Variants in TRHDE observed in about 807,000 individuals in gnomAD.
The protein encoded by TRHDE is thyrotropin releasing hormone degrading enzyme.
TRHDE carries 72 observed loss-of-function variants against 125.7 expected under a neutral mutation model. The ratio of observed to expected loss-of-function variants is 0.57; its 90% CI spans 0.47 to 0.70. The LOEUF (loss-of-function observed/expected upper bound fraction) is 0.70, where lower values mean the gene tolerates loss of function less well. TRHDE is among the 30% of genes least tolerant of loss of function. The probability of loss-of-function intolerance (pLI) is 0.00; values close to 1 mark genes in which losing one functional copy is unlikely to be tolerated. For missense variants in TRHDE, 1,110 were observed against 1,327.1 expected, an observed-to-expected ratio of 0.84 and a Z score of 2.54; for synonymous variants, 509 against 509.1, an observed-to-expected ratio of 1.00 and a Z score of 0.00.
intron 3 of TRHDE, among the ~76,000 whole-genome samples, chr12:72,381,581 A>G (rs1872183159): frequency 6.6e-6 from 1 of 151,814 alleles, no homozygotes; most frequent in Admixed American, 6.6e-5. Context: ...TATTTTTAGT[A>G]GAGACGGGGT....
At chr12:72,376,045 C>G (rs1298616144) in intron 2 of TRHDE, among the ~76,000 whole-genome samples, 1 of 152,152 alleles carries the variant, frequency 6.6e-6, no homozygotes, top group Non-Finnish European at 1.5e-5. Flanking sequence ...ACCTACATCA[C>G]CAAGATGCTC....
At chr12:72,366,438 G>A (rs1871341594) in intron 2 of TRHDE, among the ~76,000 whole-genome samples, 1 of 152,210 alleles carries the variant, frequency 6.6e-6, no homozygotes, top group South Asian at 2.1e-4. Flanking sequence ...AAATGCAGTT[G>A]GAAGATGTAA....
intron 2 of TRHDE, among the ~76,000 whole-genome samples, chr12:72,153,434 C>A (rs541949148): frequency 6.6e-6 from 1 of 152,264 alleles, no homozygotes; most frequent in African/African-American, 2.4e-5. Flanking sequence ...TTGCCTTCTG[C>A]TAGCTTTTGA....
chr12:72,245,336 T>C (rs2139383426), intron 2 of TRHDE, among the ~76,000 whole-genome samples: 1 of 151,892 alleles, frequency 6.6e-6, no homozygotes, highest in Admixed American at 6.6e-5. Flanking sequence ...TAGATATAGA[T>C]AAGAATGAAT....
At chr12:72,164,758 C>T (rs1345802996) in intron 2 of TRHDE, among the ~76,000 whole-genome samples, 2 of 152,182 alleles carry the variant, frequency 1.3e-5, no homozygotes, top group African/African-American at 2.4e-5. Flanking sequence ...TCACTGACCT[C>T]CACCTGGCAA....
At chr12:72,656,831 A>C in intron 17 of TRHDE, 96 bp from the exon 18 acceptor site, 1 of 825,568 alleles carries the variant, frequency 1.2e-6, no homozygotes, top group African/African-American at 1.8e-5. Context: ...AACACTGAGC[A>C]AATCGAACCC....
intron 2 of TRHDE, among the ~76,000 whole-genome samples, chr12:72,151,497 T>C (rs1876363820): frequency 6.6e-6 from 1 of 152,204 alleles, no homozygotes; most frequent in South Asian, 2.1e-4. Flanking sequence ...TGGTATTGCC[T>C]AGGTTTTCTT....
intron 2 of TRHDE, among the ~76,000 whole-genome samples, chr12:72,373,665 G>T (rs1208466768): frequency 6.6e-6 from 1 of 152,194 alleles, no homozygotes; most frequent in Non-Finnish European, 1.5e-5. Context: ...AGGATTTTCA[G>T]CAAGTGTGGG....
At chr12:72,515,189 T>C (rs1475769471) in intron 6 of TRHDE, among the ~76,000 whole-genome samples, 7 of 136,354 alleles carry the variant, frequency 5.1e-5, no homozygotes, top group Non-Finnish European at 1.1e-4. Context: ...TATTTCTAGT[T>C]CTAGATCCCT....
At chr12:72,542,492 A>T (rs1303057856) in intron 7 of TRHDE, 136 bp downstream of exon 7, 2 of 579,094 alleles carry the variant, frequency 3.5e-6, no homozygotes, top group Non-Finnish European at 2.9e-6. Flanking sequence ...GTCTTTCTAT[A>T]TGACAAATGA....
Position 72,518,934 on chromosome 12 carries a change from G to T in TRHDE, c.1722+19299G>T, listed in dbSNP as rs892618048. 2.6e-5 allele frequency among the ~76,000 whole-genome samples: 4 copies of T among 151,928 alleles called. No individual in the cohort carries two copies. In the East Asian group the frequency reaches 5.8e-4, roughly 22 times the overall value. On this transcript the variant is annotated intron_variant, in intron 6 of 18. Transcript: ENST00000261180. ...TAGTTTGGCTGGATATGAAATTCTG[G>T]GTTGAAAATTCTTTTCTTTAAGAAT... is the stretch of plus-strand genomic sequence containing the variant.
intron 5 of TRHDE, among the ~76,000 whole-genome samples, chr12:72,489,850 G>A (rs1050907985): frequency 1.3e-5 from 2 of 151,794 alleles, no homozygotes; most frequent in African/African-American, 2.4e-5. Flanking sequence ...AACTCAAAAT[G>A]GGTAAGACCT....
intron 5 of TRHDE, among the ~76,000 whole-genome samples, chr12:72,475,797 C>T (rs115167884): frequency 0.019 from 2,910 of 152,142 alleles, 88 homozygotes; most frequent in African/African-American, 0.067. Context: ...AGAATAATTA[C>T]GGTGTCACAG....
chr12:72,496,303 T>G (rs1014059276), intron 5 of TRHDE, among the ~76,000 whole-genome samples: 1 of 152,176 alleles, frequency 6.6e-6, no homozygotes, highest in African/African-American at 2.4e-5. Context: ...ATGCTGCTAA[T>G]AGAGACATAT....
intron 2 of TRHDE, among the ~76,000 whole-genome samples, chr12:72,335,654 G>C: frequency 6.6e-6 from 1 of 152,190 alleles, no homozygotes; most frequent in East Asian, 1.9e-4. Context: ...GCCTTGTAGA[G>C]CCTTGCATTT....
intron 1 of TRHDE, among the ~76,000 whole-genome samples, chr12:72,094,608 A>G (rs1874868814): frequency 6.6e-6 from 1 of 152,222 alleles, no homozygotes; most frequent in Admixed American, 6.5e-5. Flanking sequence ...GCTGGAGCTT[A>G]AGGACAGGAC....
intron 12 of TRHDE, among the ~76,000 whole-genome samples, chr12:72,588,088 C>G (rs73353882): frequency 0.016 from 2,375 of 152,142 alleles, 63 homozygotes; most frequent in African/African-American, 0.054. Context: ...AAATAAAGAT[C>G]GTAAGAAGCA....
chr12:72,400,352 A>G (rs544636799), intron 3 of TRHDE, among the ~76,000 whole-genome samples: 1 of 152,306 alleles, frequency 6.6e-6, no homozygotes, highest in East Asian at 1.9e-4. Context: ...TACTGTTGGT[A>G]CGAGCAATTC....
intron 1 of TRHDE, among the ~76,000 whole-genome samples, chr12:72,104,066 A>G (rs1312526415): frequency 6.6e-6 from 1 of 152,198 alleles, no homozygotes; most frequent in Non-Finnish European, 1.5e-5. Flanking sequence ...AAGCTCAGAG[A>G]TGCAGATACT....
Sources: allele counts gnomAD v4.1 joint callset (sites outside exome capture counted in the v4.1 genomes callset), GRCh38; gene constraint gnomAD v4.1.1; transcripts MANE v1.5; gene names NCBI Gene and HGNC (gene_info 2026-07-23, HGNC 2026-07-21).